The following IMMP2L variants were observed in gnomAD, a reference collection of about 807,000 sequenced individuals.
IMMP2L encodes mitochondrial inner membrane protease subunit 2.
Under a neutral mutation model 19.3 loss-of-function variants are expected in IMMP2L, and 18 were observed. The observed-to-expected ratio is 0.93, with a 90% CI of 0.64 to 1.38. The LOEUF (loss-of-function observed/expected upper bound fraction) is 1.38, where lower values mean the gene tolerates loss of function less well. Ranked by LOEUF, IMMP2L falls within the 40% of genes most tolerant of loss-of-function variation. IMMP2L has a pLI of 0.00. For synonymous variants in IMMP2L, 76 were observed against 73.0 expected (o/e 1.04, Z -0.21); for missense variants, 233 against 218.2 (o/e 1.07, Z -0.43).
intron 5 of IMMP2L, among the ~76,000 whole-genome samples, chr7:110,873,068 G>A (rs1389536515): frequency 6.6e-6 from 1 of 152,152 alleles, no homozygotes; most frequent in Non-Finnish European, 1.5e-5. Context: ...TCTCTGCTAG[G>A]TGATTTCTTC....
chr7:110,874,516 A>G (rs1189618402), intron 5 of IMMP2L, among the ~76,000 whole-genome samples: 2 of 152,142 alleles, frequency 1.3e-5, no homozygotes, highest in South Asian at 2.1e-4. Flanking sequence ...TTAATATAAT[A>G]TTATTATACC....
intron 3 of IMMP2L, among the ~76,000 whole-genome samples, chr7:111,269,008 C>G (rs1241623257): frequency 6.6e-6 from 1 of 152,014 alleles, no homozygotes; most frequent in African/African-American, 2.4e-5. Context: ...GGAGCAAGGT[C>G]CAGTTACTGC....
At position 110,973,799 on chromosome 7, in the gene IMMP2L, G is replaced by T. The variant is rs181789220; in HGVS notation, c.240-10234C>A. On this transcript the variant is annotated intron_variant, in intron 3 of 5. Transcript: ENST00000405709. ...CCTAATTCTGTACACATACAAAATG[G>T]ACTCTAATCTCTACAGCTGTCATGT... Among the ~76,000 whole-genome samples, 7 of 152,188 alleles carry T rather than the reference G, an allele frequency of 4.6e-5. No individual in the cohort carries two copies. In the East Asian group the frequency reaches 1.2e-3, roughly 25 times the overall value.
At chr7:111,226,405 C>T (rs1240025888) in intron 3 of IMMP2L, among the ~76,000 whole-genome samples, 10 of 151,940 alleles carry the variant, frequency 6.6e-5, no homozygotes, top group African/African-American at 1.9e-4. Context: ...CTGGCTCAAG[C>T]GATCCTCCTG....
intron 3 of IMMP2L, among the ~76,000 whole-genome samples, chr7:111,241,809 T>C (rs1815087844): frequency 1.3e-5 from 2 of 151,728 alleles, no homozygotes; most frequent in African/African-American, 4.8e-5. Flanking sequence ...TTTATAGAAC[T>C]GAGTAACTTG....
chr7:110,670,212 T>C (rs1007378520), intron 5 of IMMP2L, among the ~76,000 whole-genome samples: 2 of 152,012 alleles, frequency 1.3e-5, no homozygotes, highest in African/African-American at 2.4e-5. Flanking sequence ...TGTGAGAACA[T>C]AGCAAGAAGG....
chr7:111,404,952 C>T (rs568352991), intron 3 of IMMP2L, among the ~76,000 whole-genome samples: 85 of 152,162 alleles, frequency 5.6e-4, no homozygotes, highest in African/African-American at 1.8e-3. Context: ...GCATCTGTTA[C>T]TTATAGCAAC....
In IMMP2L at chr7:111,027,041, A is replaced by C. The variant is rs994826117; in HGVS notation, c.240-63476T>G. 2.0e-5 allele frequency among the ~76,000 whole-genome samples: 3 copies of C among 152,134 alleles called. No homozygotes were observed. The South Asian group carries it at 6.2e-4, about 32-fold the overall frequency. ...TCCTTGTCACATTCTCTCCCACTGA[A>C]AGACATCTTAGAATGAGTGTAACTT... On this transcript the variant is annotated intron_variant, in intron 3 of 5. Transcript: ENST00000405709.
intron 3 of IMMP2L, among the ~76,000 whole-genome samples, chr7:111,465,772 T>C (rs541092553): frequency 0.023 from 3,444 of 152,098 alleles, 136 homozygotes; most frequent in African/African-American, 0.079. Flanking sequence ...TGTGGTGATT[T>C]CTCAGGGATC....
intron 3 of IMMP2L, among the ~76,000 whole-genome samples, chr7:111,374,116 G>T (rs1229748238): frequency 1.3e-5 from 2 of 152,026 alleles, no homozygotes; most frequent in Admixed American, 1.3e-4. Context: ...AATGGGAGCT[G>T]CTCTGAACTA....
chr7:111,102,436 C>T (rs1798075020), intron 3 of IMMP2L, among the ~76,000 whole-genome samples: 1 of 151,506 alleles, frequency 6.6e-6, no homozygotes, highest in African/African-American at 2.4e-5. Context: ...GTCATCCAGT[C>T]AGTTTTCAAG....
At chr7:110,782,549 G>C (rs568612546) in intron 5 of IMMP2L, among the ~76,000 whole-genome samples, 2 of 151,548 alleles carry the variant, frequency 1.3e-5, no homozygotes, top group African/African-American at 4.8e-5. Context: ...TGTTTTTGAT[G>C]GTCTGTCAAG....
At chr7:111,056,609 C>G (rs1793532733) in intron 3 of IMMP2L, among the ~76,000 whole-genome samples, 1 of 152,164 alleles carries the variant, frequency 6.6e-6, no homozygotes, top group Non-Finnish European at 1.5e-5. Flanking sequence ...ACTTTTGACT[C>G]CCTCTAAAAT....
At chr7:111,201,528 C>A (rs903832045) in intron 3 of IMMP2L, among the ~76,000 whole-genome samples, 1 of 151,874 alleles carries the variant, frequency 6.6e-6, no homozygotes, top group Non-Finnish European at 1.5e-5. Flanking sequence ...TCAGCCTGGG[C>A]AATCTGGTGA....
intron 5 of IMMP2L, among the ~76,000 whole-genome samples, chr7:110,694,691 C>T (rs1793749840): frequency 6.6e-6 from 1 of 152,026 alleles, no homozygotes; most frequent in African/African-American, 2.4e-5. Flanking sequence ...AAAAGTTAAA[C>T]ATAGAATTTA....
intron 4 of IMMP2L, among the ~76,000 whole-genome samples, chr7:110,941,860 A>T (rs903904143): frequency 6.6e-6 from 1 of 150,766 alleles, no homozygotes; most frequent in African/African-American, 2.4e-5. Context: ...ATTCTAATTC[A>T]TTGGGCTTTT....
rs1846052420 is a variant in IMMP2L, at chr7:111,518,398, T to C, written c.135+2915A>G. On this transcript the variant is annotated intron_variant, in intron 2 of 5. Transcript: ENST00000405709. ...GAGATTTAATCTTTCGATCCTTGGA[T>C]ATTTCTTAAATAATGTGTCTACCAG... Among the ~76,000 whole-genome samples the C allele has an allele frequency of 3.9e-5, 6 of 152,122 alleles. No individual in the cohort carries two copies. The South Asian group carries it at 1.2e-3, about 32-fold the overall frequency.
intron 3 of IMMP2L, among the ~76,000 whole-genome samples, chr7:111,485,548 A>G (rs1045847390): frequency 6.6e-5 from 9 of 137,328 alleles, no homozygotes; most frequent in African/African-American, 2.4e-4. Flanking sequence ...CAGTGAGCCG[A>G]GATCCCGCCA....
chr7:111,079,701 A>C, intron 3 of IMMP2L, among the ~76,000 whole-genome samples: 1 of 152,208 alleles, frequency 6.6e-6, no homozygotes, highest in East Asian at 1.9e-4. Context: ...TAATAACTAA[A>C]GTCTCCATTT....
Sources: allele counts gnomAD v4.1 joint callset (sites outside exome capture counted in the v4.1 genomes callset), GRCh38; gene constraint gnomAD v4.1.1; transcripts MANE v1.5; gene names NCBI Gene and HGNC (gene_info 2026-07-23, HGNC 2026-07-21).